Variants in TBC1D9B observed in about 807,000 individuals in gnomAD.
TBC1D9B encodes the protein TBC1 domain family, member 9B (with GRAM domain).
Under a neutral mutation model 121.1 loss-of-function variants are expected in TBC1D9B, and 87 were observed. The ratio of observed to expected loss-of-function variants is 0.72; its 90% confidence interval spans 0.60 to 0.86. The LOEUF (loss-of-function observed/expected upper bound fraction) is 0.86, where lower values mean the gene tolerates loss of function less well. Among genes scored for constraint, TBC1D9B ranks in the 40% least tolerant of loss-of-function variants. TBC1D9B has a pLI of 0.00. For synonymous variants in TBC1D9B, 668 were observed against 670.1 expected, an observed-to-expected ratio of 1.00 and a Z score of 0.05; for missense variants, 1,540 against 1,628.6, an observed-to-expected ratio of 0.95 and a Z score of 0.94.
In TBC1D9B at chr5:179,891,098, C is replaced by A. The variant is rs756453799; in HGVS notation, c.1044+281G>T. ...AAGGCAGGCCTGATGGAAACTCACG[C>A]GTGGGAGACCCTGTCTCCACTAGGC... On this transcript the variant is annotated intron_variant, in intron 6 of 20. Transcript: ENST00000355235. This position sits in a 1 kb window ranked among gnomAD's most constrained non-coding sequence, Gnocchi z 4.3. 6.6e-6 allele frequency among the ~76,000 whole-genome samples: 1 copy of A among 152,220 alleles called. No individual in the cohort carries two copies. Among genetic ancestry groups the A allele is most frequent in the African/African-American group, 2.4e-5 (1 of 41,462 alleles).
intron 7 of TBC1D9B, chr5:179,880,147 G>T (rs1760498938): frequency 3.5e-6 from 1 of 286,906 alleles, no homozygotes; most frequent in Non-Finnish European, 6.6e-6. Context: ...CCACCCTCGG[G>T]CCCATGCTTC....
At chr5:179,873,603 G>A (rs1054263904) in intron 12 of TBC1D9B, among the ~76,000 whole-genome samples, 1 of 152,204 alleles carries the variant, frequency 6.6e-6, no homozygotes, top group Non-Finnish European at 1.5e-5. Context: ...TGGGGATGTG[G>A]GACCTTCTCG....
Position 179,894,560 on chromosome 5 carries a change from CG to C in TBC1D9B, c.402del (p.Lys136SerfsTer7). 6.2e-7 allele frequency: 1 copy of C among 1,614,230 alleles called. No homozygotes were observed. Among genetic ancestry groups the C allele is most frequent in the Non-Finnish European group, 8.5e-7 (1 of 1,180,034 alleles). On this transcript the variant is annotated frameshift_variant, in exon 4 of 21. Transcript: ENST00000355235. LOFTEE classifies it high-confidence loss of function. ...KNLQPQGDED[P>X]GKFKEAELKM... ...TTCAGCTCAGCCTCCTTGAACTTCC[CG>C]GGGTCCTCGTCTCCCTGGGGCTGCA...
At chr5:179,897,948 C>T (rs1183211135) in intron 3 of TBC1D9B, among the ~76,000 whole-genome samples, 1 of 152,194 alleles carries the variant, frequency 6.6e-6, no homozygotes, top group Non-Finnish European at 1.5e-5. Context: ...CAACTTTGCA[C>T]CACACGACTT....
intron 7 of TBC1D9B, chr5:179,887,790 C>T (rs1372029485): frequency 6.9e-6 from 3 of 432,244 alleles, no homozygotes; most frequent in Non-Finnish European, 8.4e-6. Flanking sequence ...CCGAAGTGTA[C>T]AGGCCTCCAC....
chr5:179,903,625 C>A (rs1338372917), intron 2 of TBC1D9B, among the ~76,000 whole-genome samples: 1 of 152,174 alleles, frequency 6.6e-6, no homozygotes, highest in Non-Finnish European at 1.5e-5. Flanking sequence ...TTAAAGATGC[C>A]TTATTTAATA....
intron 1 of TBC1D9B, among the ~76,000 whole-genome samples, chr5:179,905,322 C>T (rs1761281787): frequency 6.6e-6 from 1 of 152,196 alleles, no homozygotes; most frequent in Non-Finnish European, 1.5e-5. Context: ...TCTTCACACA[C>T]AGGACAATGA....
At chr5:179,900,191 G>A (rs578043584) in intron 2 of TBC1D9B, among the ~76,000 whole-genome samples, 3 of 152,242 alleles carry the variant, frequency 2.0e-5, no homozygotes, top group Non-Finnish European at 2.9e-5. Context: ...GTGAGACCTC[G>A]TCTCAAAAAA....
chr5:179,895,374 T>C (rs1008365164), intron 3 of TBC1D9B, among the ~76,000 whole-genome samples: 1 of 152,194 alleles, frequency 6.6e-6, no homozygotes, highest in African/African-American at 2.4e-5. Flanking sequence ...CCCCCTTTAT[T>C]TGCCCAAATG....
chr5:179,886,281 T>C (rs1339523187), intron 7 of TBC1D9B, among the ~76,000 whole-genome samples: 3 of 152,248 alleles, frequency 2.0e-5, no homozygotes, highest in Admixed American at 1.3e-4. Flanking sequence ...CTCTGTCCGA[T>C]GTGTTCACTG....
chr5:179,878,549 C>T (rs1314971935), intron 9 of TBC1D9B, 26 bp from the exon 10 acceptor site: 1 of 1,567,368 alleles, frequency 6.4e-7, no homozygotes. Context: ...TGCCAGCTGT[C>T]TCTGTCCTTC....
chr5:179,898,856 T>TA (rs1761084177), intron 3 of TBC1D9B, among the ~76,000 whole-genome samples: 2 of 152,204 alleles, frequency 1.3e-5, no homozygotes, highest in African/African-American at 2.4e-5. Flanking sequence ...AGTTTTATTA[T>TA]AAAAAACAAC....
At position 179,865,209 on chromosome 5, in the gene TBC1D9B, C is replaced by T. The variant is rs758689481; in HGVS notation, c.3021+45G>A. 2.5e-6 allele frequency: 4 copies of T among 1,591,814 alleles called. No homozygotes were observed. The highest frequency in any genetic ancestry group is 3.4e-6 in the Non-Finnish European group (4 of 1,159,914). ...GGTGATGTTAGGGCCCAGTCTTGGT[C>T]AGAACTCTCCAGAAATGTCTACTGT... On this transcript the variant is annotated intron_variant, in intron 20 of 20. Coordinates refer to ENST00000355235, the MANE Select transcript of TBC1D9B (RefSeq NM_015043.4). This position sits in a 1 kb window ranked among gnomAD's most constrained non-coding sequence, Gnocchi z 5.1.
Position 179,878,493 on chromosome 5 carries a change from C to A in TBC1D9B, c.1598G>T (p.Gly533Val). ...GAWNEMVTHP[G>V]YYAELVEKST... ...CTTCTCCACCAGCTCAGCATAGTACCCGGGGTGAGTCACCATCTCATTCCA... is the reference window on the plus strand; with the variant it reads ...CTTCTCCACCAGCTCAGCATAGTACACGGGGTGAGTCACCATCTCATTCCA... The change falls in exon 10 of 21, where the codon GGG becomes GTG. Residue 533 changes from glycine to valine, a missense_variant. Physicochemically the swap from Gly to Val is moderately radical, Grantham distance 109. Transcript: ENST00000355235. 1 of 1,609,700 alleles carries A rather than the reference C, an allele frequency of 6.2e-7. No homozygotes were observed. The highest frequency in any genetic ancestry group is 1.1e-5 in the South Asian group (1 of 90,072).
chr5:179,879,008 T>A, intron 9 of TBC1D9B, 39 bp downstream of exon 9: 2 of 1,591,246 alleles, frequency 1.3e-6, no homozygotes, highest in Non-Finnish European at 1.7e-6. Flanking sequence ...GGGGACTGAC[T>A]GGCTGAGCTG....
intron 2 of TBC1D9B, among the ~76,000 whole-genome samples, chr5:179,903,173 G>T (rs1032653493): frequency 5.9e-5 from 9 of 152,176 alleles, no homozygotes; most frequent in Non-Finnish European, 1.2e-4. Context: ...TACTGAGAGG[G>T]TCCAAACTGC....
intron 3 of TBC1D9B, 133 bp downstream of exon 3, chr5:179,899,056 G>A: frequency 1.5e-6 from 1 of 689,082 alleles, no homozygotes; most frequent in Non-Finnish European, 2.4e-6. Context: ...CCAAGAGAAG[G>A]AGCGCTGACA....
intron 7 of TBC1D9B, among the ~76,000 whole-genome samples, chr5:179,887,140 G>C (rs1189019149): frequency 2.0e-5 from 3 of 152,240 alleles, no homozygotes; most frequent in Non-Finnish European, 4.4e-5. Context: ...ACTGTGCCTG[G>C]GGTCAGCTTC....
chr5:179,905,873 T>G (rs930904174), intron 1 of TBC1D9B, among the ~76,000 whole-genome samples: 1 of 152,250 alleles, frequency 6.6e-6, no homozygotes, highest in African/African-American at 2.4e-5. Context: ...TTAACACTTT[T>G]GTTTCATAGT....
Sources: allele counts gnomAD v4.1 joint callset (sites outside exome capture counted in the v4.1 genomes callset), GRCh38; gene constraint gnomAD v4.1.1; non-coding constraint Gnocchi (gnomAD v3.1); transcripts MANE v1.5; gene names NCBI Gene and HGNC (gene_info 2026-07-23, HGNC 2026-07-21).